Variants in SH3BGRL observed in about 807,000 individuals in gnomAD.
SH3BGRL encodes SH3 domain binding glutamate rich protein like, also known as adapter SH3BGRL.
In SH3BGRL, 7 loss-of-function variants were observed where a neutral mutation model predicts 9.8. That is an observed-to-expected ratio of 0.72 (90% CI 0.41 to 1.35). The LOEUF is 1.35. Ranked by LOEUF, SH3BGRL falls within the 40% of genes most tolerant of loss-of-function variation. The pLI is 0.01. For missense variants in SH3BGRL, 73 were observed against 84.4 expected (o/e 0.86, Z 0.53); for synonymous variants, 36 against 29.1 (o/e 1.24, Z -0.76).
At position 81,252,636 on chromosome X, in the gene SH3BGRL, A is replaced by C. The variant is rs186340436; in HGVS notation, c.46-24348A>C. On this transcript the variant is annotated intron_variant, in intron 1 of 3. Transcript: ENST00000373212. ...TGATGAGCTAAAAAAAAATTCCAAA[A>C]AAATCTCATAGTGTTTTTAAAAAGT... Among the ~76,000 whole-genome samples, 70 of 112,029 alleles carry C rather than the reference A, an allele frequency of 6.2e-4. No individual in the cohort carries two copies. The East Asian group carries it at 0.015, about 25-fold the overall frequency.
intron 3 of SH3BGRL, among the ~76,000 whole-genome samples, chrX:81,292,232 A>C (rs759198268): frequency 2.7e-5 from 3 of 112,011 alleles, no homozygotes; most frequent in Admixed American, 9.4e-5. Context: ...ATTTTCATAC[A>C]TCCTCTGAAA....
chrX:81,272,793 C>A (rs907321735), intron 1 of SH3BGRL, among the ~76,000 whole-genome samples: 3 of 111,577 alleles, frequency 2.7e-5, no homozygotes, highest in Non-Finnish European at 5.6e-5. Context: ...GCCACCGCTC[C>A]TGGCCCAGGC....
intron 1 of SH3BGRL, among the ~76,000 whole-genome samples, chrX:81,242,262 A>G (rs2075672560): frequency 8.9e-6 from 1 of 111,899 alleles, no homozygotes; most frequent in South Asian, 3.7e-4. Context: ...ACAAATCCAC[A>G]CATTTACAGT....
At chrX:81,282,346 C>T (rs2075820363) in intron 3 of SH3BGRL, among the ~76,000 whole-genome samples, 1 of 111,863 alleles carries the variant, frequency 8.9e-6, no homozygotes, top group African/African-American at 3.2e-5. Context: ...CAGATATATA[C>T]AGAACATTTT....
At chrX:81,265,356 C>T (rs1432166823) in intron 1 of SH3BGRL, among the ~76,000 whole-genome samples, 1 of 108,954 alleles carries the variant, frequency 9.2e-6, no homozygotes, top group Non-Finnish European at 1.9e-5. Context: ...GTTATCCCTC[C>T]CCTAGTCCCA....
chrX:81,233,184 T>G (rs981191309), intron 1 of SH3BGRL, among the ~76,000 whole-genome samples: 3 of 112,132 alleles, frequency 2.7e-5, no homozygotes, highest in African/African-American at 9.7e-5. Flanking sequence ...TGTCATGAAT[T>G]TGGTAACACT....
At chrX:81,280,315 G>A (rs911288789) in intron 3 of SH3BGRL, among the ~76,000 whole-genome samples, 1 of 110,829 alleles carries the variant, frequency 9.0e-6, no homozygotes, top group Non-Finnish European at 1.9e-5. Context: ...GTCCCTCTCC[G>A]CAATACTACA....
chrX:81,259,141 G>T (rs1305939180), intron 1 of SH3BGRL, among the ~76,000 whole-genome samples: 1 of 111,809 alleles, frequency 8.9e-6, no homozygotes, highest in African/African-American at 3.2e-5. Flanking sequence ...ACCAAATTTG[G>T]TTTGCATATG....
intron 1 of SH3BGRL, among the ~76,000 whole-genome samples, chrX:81,238,578 G>A (rs891867686): frequency 8.9e-6 from 1 of 111,941 alleles, no homozygotes; most frequent in African/African-American, 3.3e-5. Flanking sequence ...TCACCACACT[G>A]AGGAGAAGAA....
chrX:81,252,073 G>T (rs750118987), intron 1 of SH3BGRL, among the ~76,000 whole-genome samples: 2 of 111,869 alleles, frequency 1.8e-5, no homozygotes, highest in South Asian at 7.4e-4. Flanking sequence ...TGAAAAAGTT[G>T]CAGTATTCTA....
intron 1 of SH3BGRL, among the ~76,000 whole-genome samples, chrX:81,214,734 AC>A (rs1457603754): frequency 2.7e-5 from 3 of 112,221 alleles, no homozygotes; most frequent in Non-Finnish European, 5.6e-5. Context: ...GCATTTTATT[AC>A]CCTCGTAAAA....
At chrX:81,208,727 T>A (rs999073973) in intron 1 of SH3BGRL, among the ~76,000 whole-genome samples, 1 of 111,569 alleles carries the variant, frequency 9.0e-6, no homozygotes, top group Non-Finnish European at 1.9e-5. Flanking sequence ...GGCGGTTCAT[T>A]TATGATGACT....
chrX:81,254,006 C>T (rs1194569409), intron 1 of SH3BGRL, among the ~76,000 whole-genome samples: 1 of 111,280 alleles, frequency 9.0e-6, no homozygotes, highest in Non-Finnish European at 1.9e-5. Context: ...ATCTGTGGCC[C>T]AGGGGTCTCG....
At position 81,297,591 on chromosome X, in the gene SH3BGRL, A is replaced by G. The variant is rs1328451350; in HGVS notation, c.*364A>G. ...TGCAGCTCTACATTAAAAAGGAGAA[A>G]GAGAAATAACCTGTCTCTCATTCCT... On this transcript the variant is annotated 3_prime_UTR_variant, in exon 4 of 4. Coordinates refer to ENST00000373212, the MANE Select transcript of SH3BGRL (RefSeq NM_003022.3). 2 of 124,388 alleles carry G rather than the reference A, an allele frequency of 1.6e-5. No homozygotes were observed. Among genetic ancestry groups the G allele is most frequent in the Non-Finnish European group, 3.2e-5 (2 of 61,612 alleles). 10.3% of individuals were successfully genotyped at this position (124,388 alleles called of 1,213,427 possible).
chrX:81,294,261 C>T (rs2075867162), intron 3 of SH3BGRL, among the ~76,000 whole-genome samples: 1 of 111,032 alleles, frequency 9.0e-6, no homozygotes, highest in Admixed American at 9.6e-5. Flanking sequence ...CACGGCAGCC[C>T]CTTCCATCAC....
chrX:81,278,117 C>T (rs953679315), intron 2 of SH3BGRL, among the ~76,000 whole-genome samples: 1 of 111,754 alleles, frequency 8.9e-6, no homozygotes, highest in East Asian at 2.8e-4. Context: ...CATGTGCCCC[C>T]ACCCCTGGCT....
chrX:81,242,795 A>G (rs1053128632), intron 1 of SH3BGRL, among the ~76,000 whole-genome samples: 2 of 112,171 alleles, frequency 1.8e-5, no homozygotes, highest in Non-Finnish European at 3.8e-5. Context: ...AGTGCTCAAC[A>G]TCACTGATCA....
intron 3 of SH3BGRL, among the ~76,000 whole-genome samples, chrX:81,283,473 A>G (rs778782457): frequency 1.1e-3 from 120 of 112,125 alleles, no homozygotes; most frequent in Non-Finnish European, 2.0e-3. Context: ...ATCCACCATG[A>G]TCAAATGGGT....
At chrX:81,212,548 A>AT (rs1474960037) in intron 1 of SH3BGRL, among the ~76,000 whole-genome samples, 1 of 112,109 alleles carries the variant, frequency 8.9e-6, no homozygotes, top group Non-Finnish European at 1.9e-5. Context: ...TCAGATTAGG[A>AT]TTTTTTATTA....
Sources: gnomAD v4.1 joint callset for allele counts (sites outside exome capture counted in the v4.1 genomes callset) on GRCh38, gnomAD v4.1.1 for gene constraint, MANE v1.5 for transcripts, NCBI Gene and HGNC (gene_info 2026-07-23, HGNC 2026-07-21) for gene names.